MRPL28: variants seen among roughly 807,000 people sequenced by gnomAD.
MRPL28 encodes the protein large ribosomal subunit protein bL28m.
Under a neutral mutation model 26.2 loss-of-function variants are expected in MRPL28, and 25 were observed. The observed-to-expected ratio is 0.95, with a 90% CI of 0.69 to 1.33. The LOEUF (loss-of-function observed/expected upper bound fraction) is 1.33, where lower values mean the gene tolerates loss of function less well. Ranked by LOEUF, MRPL28 falls within the 40% of genes most tolerant of loss-of-function variation. The pLI is 0.00. For missense variants in MRPL28, 432 were observed against 327.2 expected, an observed-to-expected ratio of 1.32 and a Z score of -2.47; for synonymous variants, 227 against 140.1, an observed-to-expected ratio of 1.62 and a Z score of -4.38.
chr16:370,378 C>CG (rs374110733), intron 1 of MRPL28, 121 bp downstream of exon 1: 1 of 509,356 alleles, frequency 2.0e-6, no homozygotes, highest in Non-Finnish European at 3.0e-6. Context: ...CCCCGGCCCC[C>CG]GGCTCTCACC....
chr16:369,958 C>T lies in MRPL28; in HGVS notation c.261G>A (p.Leu87=). 1 of 1,611,958 alleles carries T rather than the reference C, an allele frequency of 6.2e-7. No individual in the cohort carries two copies. The highest frequency in any genetic ancestry group is 8.5e-7 in the Non-Finnish European group (1 of 1,179,782). ...RGLWGGEGWI[L]GQIYANNDKL... The stretch of plus-strand genomic sequence containing the variant: ...TGTCGTTGTTGGCATATATTTGGCC[C>T]AGGATCCAGCCCTCGCCGCCCCACA... Residue 87 remains leucine, a synonymous_variant, in exon 2 of 6, where the codon CTG becomes CTA. Coordinates refer to ENST00000199706, the MANE Select transcript of MRPL28 (RefSeq NM_006428.5).
Position 367,689 on chromosome 16 carries a change from C to T in MRPL28, c.757G>A (p.Ala253Thr), listed in dbSNP as rs1287342304. Residue 253 changes from alanine (A) to threonine (T), a missense_variant, in exon 6 of 6, where the codon GCC becomes ACC. Transcript: ENST00000199706. ...GAGCTGTGTGGTCACTGGCCACTGG[C>T]TCTCTTCTGCACCACCGCCGGCTCT... ...LSEPAVVQKR[A>T]SGQ is the part of the protein sequence containing the mutation. The T allele has an allele frequency of 1.2e-6, 2 of 1,613,586 alleles. No homozygotes were observed. Among genetic ancestry groups the T allele is most frequent in the Non-Finnish European group, 1.7e-6 (2 of 1,179,978 alleles).
Position 369,987 on chromosome 16 carries a change from C to G in MRPL28, c.232G>C (p.Gly78Arg), listed in dbSNP as rs373638524. The G allele has an allele frequency of 1.2e-6, 2 of 1,612,894 alleles. No homozygotes were observed. The highest frequency in any genetic ancestry group is 1.7e-6 in the Non-Finnish European group (2 of 1,179,876). The change falls in exon 2 of 6, where the codon GGG becomes CGG. Residue 78 changes from glycine to arginine, a missense_variant. Gly to Arg is a moderately radical substitution (Grantham distance 125). Transcript: ENST00000199706. ...PIYFPPESQR[G>R]LWGGEGWILG... ...ATCCAGCCCTCGCCGCCCCACAACCCCCGCTGGGATTCGGGGGGAAAGTAG... is the reference window on the plus strand; with the variant it reads ...ATCCAGCCCTCGCCGCCCCACAACCGCCGCTGGGATTCGGGGGGAAAGTAG...
At chr16:367,865 G>GC in intron 5 of MRPL28, 83 bp from the exon 6 acceptor site, 2 of 1,203,106 alleles carry the variant, frequency 1.7e-6, no homozygotes, top group South Asian at 1.3e-5. Context: ...AGCAGCTGCC[G>GC]CCCAGAGGAA....
In MRPL28 at chr16:367,704, C is replaced by A; in HGVS notation, c.742G>T (p.Val248Leu). ...LQQQALSEPAVVQKRASGQ is the reference protein window; with the variant it reads ...LQQQALSEPALVQKRASGQ ...TGGCCACTGGCTCTCTTCTGCACCA[C>A]CGCCGGCTCTGACAGTGCCTGCTGC... The change falls in exon 6 of 6, where the codon GTG (valine) becomes TTG (leucine). Residue 248 changes from valine to leucine, a missense_variant. Val to Leu is a conservative substitution (Grantham distance 32, BLOSUM62 1). Transcript: ENST00000199706. The A allele has an allele frequency of 6.2e-7, 1 of 1,613,834 alleles. No homozygotes were observed. The highest frequency in any genetic ancestry group is 8.5e-7 in the Non-Finnish European group (1 of 1,180,008).
rs2054315297 is a variant in MRPL28 at position 370,360 on chromosome 16, A to ACCCCCTAC, written c.-7-136_-7-135insGTAGGGGG. ...CCCGCTACCCCGGCCCCCGGCTCTC[A>ACCCCCTAC]CCCGCTACCCCGGCCCCCGGCTCTC... On this transcript the variant is annotated intron_variant, in intron 1 of 5. Coordinates refer to ENST00000199706, the MANE Select transcript of MRPL28 (RefSeq NM_006428.5). The ACCCCCTAC allele has an allele frequency of 2.3e-6, 3 of 1,277,728 alleles. 1 individual carries two copies. The highest frequency in any genetic ancestry group is 3.0e-6 in the Non-Finnish European group (3 of 991,422). The allele number at this position is 1,277,728 out of a possible 1,614,324, so 79.1% of individuals were successfully genotyped here.
intron 1 of MRPL28, 137 bp from the exon 2 acceptor site, chr16:370,362 C>CT (rs2054315340): frequency 1.3e-5 from 18 of 1,346,674 alleles, no homozygotes; most frequent in African/African-American, 8.1e-5. Context: ...CGGCTCTCAC[C>CT]CGCTACCCCG....
chr16:368,829 C>T (rs528479165), intron 3 of MRPL28, 194 bp from the exon 4 acceptor site: 78 of 1,029,366 alleles, frequency 7.6e-5, no homozygotes, highest in South Asian at 3.6e-4. Flanking sequence ...GGGAAAGGGG[C>T]GGCTGTGCTC....
chr16:368,734 G>A (rs969749569), intron 3 of MRPL28, 99 bp from the exon 4 acceptor site: 9 of 1,495,748 alleles, frequency 6.0e-6, no homozygotes, highest in South Asian at 2.7e-5. Context: ...GGTGGTCCCA[G>A]GACAGGACAG....
At position 367,619 on chromosome 16, in the gene MRPL28, A is replaced by AC; in HGVS notation, c.*55_*56insG. 2 of 1,508,438 alleles carry AC rather than the reference A, an allele frequency of 1.3e-6. No individual in the cohort carries two copies. The highest frequency in any genetic ancestry group is 1.8e-6 in the Non-Finnish European group (2 of 1,087,762). The allele number at this position is 1,508,438 out of a possible 1,614,324, so 93.4% of individuals were successfully genotyped here. A position where few individuals can be genotyped will look rare whatever the true frequency, so the allele number is the denominator to read the frequency against. Reference sequence around the variant, plus strand: ...TCCCCGGGATCTGTGTCCTCAGTGCAAAGGGCCTGGCAGGGAAAGCTGGGC... The same window carrying AC: ...TCCCCGGGATCTGTGTCCTCAGTGCACAAGGGCCTGGCAGGGAAAGCTGGGC... On this transcript the variant is annotated 3_prime_UTR_variant, in exon 6 of 6. Coordinates refer to ENST00000199706, the MANE Select transcript of MRPL28 (RefSeq NM_006428.5).
In MRPL28 at chr16:370,004, G is replaced by A. The variant is rs779797014; in HGVS notation, c.215C>T (p.Pro72Leu). Residue 72 changes from proline (P) to leucine (L), a missense_variant, in exon 2 of 6, where the codon CCC (proline) becomes CTC (leucine). Transcript: ENST00000199706. Reference protein sequence around the residue: ...VEDVPIPIYFPPESQRGLWGG... With the variant: ...VEDVPIPIYFLPESQRGLWGG... ...CCACAACCCCCGCTGGGATTCGGGG[G>A]GAAAGTAGATGGGAATGGGCACGTC... The A allele has an allele frequency of 6.8e-6, 11 of 1,613,090 alleles. No homozygotes were observed. Among genetic ancestry groups the A allele is most frequent in the Non-Finnish European group, 9.3e-6 (11 of 1,179,858 alleles).
At position 367,147 on chromosome 16, in the gene MRPL28, G is replaced by C. The variant is rs893174904; in HGVS notation, c.*528C>G. On this transcript the variant is annotated 3_prime_UTR_variant, in exon 6 of 6. Transcript: ENST00000199706. ...TTGAACTCTGGAGGTGGAGGTTGTA[G>C]TGAGTCCAGATCGTGCCACTGCACT... Among the ~76,000 whole-genome samples, 13 of 152,202 alleles carry C rather than the reference G, an allele frequency of 8.5e-5. No individual in the cohort carries two copies. Among genetic ancestry groups the C allele is most frequent in the Admixed American group, 5.2e-4 (8 of 15,288 alleles).
rs1567317768 is a variant in MRPL28 at position 367,474 on chromosome 16, GGAGCCTCTGGGCGGC to G, written c.*186_*200del. The G allele has an allele frequency of 1.3e-5, 9 of 716,466 alleles. No individual in the cohort carries two copies. Among genetic ancestry groups the G allele is most frequent in the Non-Finnish European group, 2.3e-5 (9 of 385,360 alleles). 44.4% of individuals were successfully genotyped at this position (716,466 alleles called of 1,614,324 possible). ...GCAAACGTCGGGGCCCAGCCTGAGA[GGAGCCTCTGGGCGGC>G]CCAGGCCTCCTGGGGATCCCTGCCA... On this transcript the variant is annotated 3_prime_UTR_variant, in exon 6 of 6. Transcript: ENST00000199706.
rs1017877374 is a variant in MRPL28, at chr16:367,156, G to A, written c.*519C>T. Among the ~76,000 whole-genome samples, 1 of 152,200 alleles carries A rather than the reference G, an allele frequency of 6.6e-6. No individual in the cohort carries two copies. Among genetic ancestry groups the A allele is most frequent in the Non-Finnish European group, 1.5e-5 (1 of 68,036 alleles). ...GGAGGTGGAGGTTGTAGTGAGTCCA[G>A]ATCGTGCCACTGCACTCCAGCCTGG... On this transcript the variant is annotated 3_prime_UTR_variant, in exon 6 of 6. Coordinates refer to ENST00000199706, the MANE Select transcript of MRPL28 (RefSeq NM_006428.5).
chr16:369,475 A>G (rs958355389), intron 2 of MRPL28: 1 of 632,984 alleles, frequency 1.6e-6, no homozygotes, highest in Non-Finnish European at 2.9e-6. Flanking sequence ...TGGTTGCTGC[A>G]TGTGTTTCAG....
At chr16:367,897 A>G in intron 5 of MRPL28, 115 bp from the exon 6 acceptor site, 2 of 836,574 alleles carry the variant, frequency 2.4e-6, no homozygotes. Flanking sequence ...GAGGCCCTGG[A>G]GGGCAGAGTC....
In MRPL28 at chr16:367,766, A is replaced by C; in HGVS notation, c.680T>G (p.Phe227Cys). Residue 227 changes from phenylalanine (F) to cysteine (C), a missense_variant, in exon 6 of 6, where the codon TTC becomes TGC. Coordinates refer to ENST00000199706, the MANE Select transcript of MRPL28 (RefSeq NM_006428.5). The part of the protein sequence containing the change: ...LLEEKDPVPL[F>C]KIYVAELIQQ... ...GATCAGCTCCGCCACATAGATCTTG[A>C]ACAGGGGTACAGGGTCCTGAAGGAG... 6.2e-7 allele frequency: 1 copy of C among 1,613,746 alleles called. No individual in the cohort carries two copies. Among genetic ancestry groups the C allele is most frequent in the Non-Finnish European group, 8.5e-7 (1 of 1,179,982 alleles).
In MRPL28 at chr16:368,544, G is replaced by A; in HGVS notation, c.533C>T (p.Pro178Leu). Residue 178 changes from proline to leucine, a missense_variant, in exon 4 of 6, where the codon CCC (proline) becomes CTC (leucine). Pro to Leu is a moderately conservative substitution (Grantham distance 98). Coordinates refer to ENST00000199706, the MANE Select transcript of MRPL28 (RefSeq NM_006428.5). ...RLARQDPQLH[P>L]EDPERRAAIY... ...GGCTGCCCGCCGCTCGGGGTCCTCG[G>A]GGTGCAGCTGGGGGTCCTGCCGGGC... 6.3e-7 allele frequency: 1 copy of A among 1,596,184 alleles called. No individual in the cohort carries two copies. Among genetic ancestry groups the A allele is most frequent in the Middle Eastern group, 1.7e-4 (1 of 5,984 alleles).
At chr16:369,862 G>A (rs998256340) in intron 2 of MRPL28, 69 bp downstream of exon 2, 27 of 1,542,630 alleles carry the variant, frequency 1.8e-5, no homozygotes, top group African/African-American at 5.4e-5. Context: ...CAGGTACCCC[G>A]GGCGTCCGGC....
Sources: gnomAD v4.1 joint callset for allele counts (sites outside exome capture counted in the v4.1 genomes callset) on GRCh38, gnomAD v4.1.1 for gene constraint, MANE v1.5 for transcripts, NCBI Gene and HGNC (gene_info 2026-07-23, HGNC 2026-07-21) for gene names.